Variants in SLIT1 observed in about 807,000 individuals in gnomAD.
The protein encoded by SLIT1 is slit guidance ligand 1, also known as slit homolog 1 protein.
In SLIT1, 66 loss-of-function variants were observed where a neutral mutation model predicts 186.1. The observed-to-expected ratio is 0.35, with a 90% CI of 0.29 to 0.44. SLIT1 has a LOEUF of 0.44. SLIT1 is among the 20% of genes least tolerant of loss of function. The pLI, the probability that SLIT1 is intolerant of heterozygous loss-of-function variation, is 1.00. For synonymous variants in SLIT1, 761 were observed against 833.8 expected, an observed-to-expected ratio of 0.91 and a Z score of 1.50; for missense variants, 1,638 against 2,037.4, an observed-to-expected ratio of 0.80 and a Z score of 3.77.
chr10:97,048,858 G>GACAGGTGGGCAGGTGGGCAGGTAT (rs60588093), intron 14 of SLIT1, 97 bp downstream of exon 14: 108 of 1,281,266 alleles, frequency 8.4e-5, no homozygotes, highest in Admixed American at 1.2e-4. Flanking sequence ...CGGGTAGGTG[G>GACAGGTGGGCAGGTGGGCAGGTAT]GCAGGTGGGC....
chr10:97,149,822 T>C (rs1849856415), intron 4 of SLIT1, among the ~76,000 whole-genome samples: 1 of 152,180 alleles, frequency 6.6e-6, no homozygotes, highest in Non-Finnish European at 1.5e-5. Context: ...TGTTAAAAGG[T>C]ATTCCCCGAA....
At chr10:97,149,069 C>T (rs1849847507) in intron 4 of SLIT1, among the ~76,000 whole-genome samples, 1 of 152,234 alleles carries the variant, frequency 6.6e-6, no homozygotes. Flanking sequence ...TCCTTCAGGC[C>T]CCGGGCTCCC....
intron 34 of SLIT1, 62 bp from the exon 35 acceptor site, chr10:97,003,054 C>T (rs1386089675): frequency 1.3e-6 from 2 of 1,526,762 alleles, no homozygotes; most frequent in East Asian, 2.3e-5. Flanking sequence ...GGGCACCCAC[C>T]CCTGAGGTCT....
At chr10:97,046,076 G>C (rs1466139363) in intron 18 of SLIT1, among the ~76,000 whole-genome samples, 1 of 152,208 alleles carries the variant, frequency 6.6e-6, no homozygotes, top group African/African-American at 2.4e-5. Context: ...AGACTGCCCT[G>C]TCTATGGGAC....
intron 4 of SLIT1, among the ~76,000 whole-genome samples, chr10:97,115,304 T>C (rs1849499311): frequency 6.6e-6 from 1 of 152,168 alleles, no homozygotes; most frequent in South Asian, 2.1e-4. Flanking sequence ...TTCCTTGGAA[T>C]TGCCCTGAGA....
At chr10:97,035,701 A>G (rs1298528008) in intron 22 of SLIT1, among the ~76,000 whole-genome samples, 16 of 152,130 alleles carry the variant, frequency 1.1e-4, no homozygotes. Context: ...TGTGCCTAGC[A>G]TGTGGACTCC....
rs1003277422 is a variant in SLIT1 at position 97,010,615 on chromosome 10, A to C, written c.3341+378T>G. ...AACAAATGAGTGAGCAGAGCATGGG[A>C]CGTGGGTGGCCAGAGGGAGGGTGGG... On this transcript the variant is annotated intron_variant, in intron 31 of 36. Transcript: ENST00000266058. The surrounding 1 kb of genome is among the most constrained non-coding windows in gnomAD (Gnocchi z 4.8). Among the ~76,000 whole-genome samples the C allele has an allele frequency of 2.6e-5, 4 of 152,310 alleles. No homozygotes were observed. The highest frequency in any genetic ancestry group is 1.3e-4 in the Admixed American group (2 of 15,306).
rs202218913 is a variant in SLIT1 at position 97,079,175 on chromosome 10, C to T, written c.414-13089G>A. Among the ~76,000 whole-genome samples, 3 of 152,062 alleles carry T rather than the reference C, an allele frequency of 2.0e-5. No homozygotes were observed. In the East Asian group the frequency reaches 5.8e-4, roughly 29 times the overall value. On this transcript the variant is annotated intron_variant, in intron 4 of 36. Transcript: ENST00000266058. ...ATCACATCTCCCTCTTGCTGAGTTG[C>T]GAGGATTAAATACCATATGTACCAC...
intron 3 of SLIT1, among the ~76,000 whole-genome samples, chr10:97,161,288 A>C (rs1850022690): frequency 6.6e-6 from 1 of 152,112 alleles, no homozygotes; most frequent in Admixed American, 6.6e-5. Context: ...ATTAACATGT[A>C]TTTTATTCTA....
intron 4 of SLIT1, among the ~76,000 whole-genome samples, chr10:97,072,205 C>T (rs1377448964): frequency 6.6e-6 from 1 of 152,338 alleles, no homozygotes; most frequent in East Asian, 1.9e-4. Flanking sequence ...GTCACTCAGG[C>T]TGGAGTGCAG....
chr10:97,124,877 A>G (rs1849590941), intron 4 of SLIT1, among the ~76,000 whole-genome samples: 1 of 152,214 alleles, frequency 6.6e-6, no homozygotes, highest in African/African-American at 2.4e-5. Context: ...GCTTCAGTGT[A>G]CTCTTAATAA....
chr10:97,080,969 C>T lies in SLIT1; in HGVS notation c.414-14883G>A, dbSNP rs567207544. Among the ~76,000 whole-genome samples the T allele has an allele frequency of 3.9e-4, 59 of 152,322 alleles. No individual in the cohort carries two copies. In the Middle Eastern group the frequency reaches 0.01, roughly 26 times the overall value. On this transcript the variant is annotated intron_variant, in intron 4 of 36. Coordinates refer to ENST00000266058, the MANE Select transcript of SLIT1 (RefSeq NM_003061.3). ...GCAGGGTCAGTGCCACCACCTACTA[C>T]GCTGCTCTTTGCTGGACTGGCTCAA...
At chr10:97,005,573 G>A (rs767171133) in intron 32 of SLIT1, among the ~76,000 whole-genome samples, 7 of 152,228 alleles carry the variant, frequency 4.6e-5, no homozygotes, top group East Asian at 1.9e-4. Context: ...TGAGCTGACC[G>A]AATTAGAGCT....
chr10:97,109,669 T>C (rs1780325727), intron 4 of SLIT1, among the ~76,000 whole-genome samples: 1 of 152,214 alleles, frequency 6.6e-6, no homozygotes, highest in Non-Finnish European at 1.5e-5. Flanking sequence ...GAGTGCTGCC[T>C]GAGCCTTGGA....
chr10:97,053,923 G>A (rs1015370627), intron 13 of SLIT1, among the ~76,000 whole-genome samples: 2 of 152,154 alleles, frequency 1.3e-5, no homozygotes, highest in Non-Finnish European at 2.9e-5. Context: ...TGTTGGAGGC[G>A]GGGCCTGATG....
Position 97,064,180 on chromosome 10 carries a change from T to A in SLIT1, c.617A>T (p.Lys206Met). 1 of 1,613,434 alleles carries A rather than the reference T, an allele frequency of 6.2e-7. No individual in the cohort carries two copies. The highest frequency in any genetic ancestry group is 8.5e-7 in the Non-Finnish European group (1 of 1,179,792). Residue 206 changes from lysine to methionine, a missense_variant, in exon 7 of 37, where the codon AAG (lysine) becomes ATG (methionine). Lys to Met is a moderately conservative substitution (Grantham distance 95). This residue lies in a region of SLIT1 where 1,245 missense variants were observed against 1,535.3 expected (regional missense o/e 0.81). Coordinates refer to ENST00000266058, the MANE Select transcript of SLIT1 (RefSeq NM_003061.3). ...IPVSSFNHMP[K>M]LRTFRLHSNH... ...CCGGCTGACTCACAAGGTCCGTAGCTTGGGCATATGGTTGAAGCTGGACAC... is the reference window on the plus strand; with the variant it reads ...CCGGCTGACTCACAAGGTCCGTAGCATGGGCATATGGTTGAAGCTGGACAC...
At chr10:97,049,184 G>A in intron 13 of SLIT1, 66 bp from the exon 14 acceptor site, 1 of 1,549,820 alleles carries the variant, frequency 6.5e-7, no homozygotes, top group South Asian at 1.2e-5. Flanking sequence ...CCTCCACCGG[G>A]ACAGGGCCTC....
rs114413142 is a variant in SLIT1 at position 97,022,039 on chromosome 10, A to G, written c.2583-626T>C. On this transcript the variant is annotated intron_variant, in intron 25 of 36. Coordinates refer to ENST00000266058, the MANE Select transcript of SLIT1 (RefSeq NM_003061.3). This position sits in a 1 kb window ranked among gnomAD's most constrained non-coding sequence, Gnocchi z 4.2. ...ATGCTGTTGGGGCCAGAGCCTACGA[A>G]TGCACTGCCTCCAGTGTGCATGGGG... Among the ~76,000 whole-genome samples, 2,699 of 152,316 alleles carry G rather than the reference A, an allele frequency of 0.018. 65 individuals are homozygous for G. The highest frequency in any genetic ancestry group is 0.062 in the African/African-American group (2,583 of 41,548).
chr10:97,163,711 C>T (rs1021155108), intron 2 of SLIT1, among the ~76,000 whole-genome samples: 4 of 152,232 alleles, frequency 2.6e-5, no homozygotes, highest in Non-Finnish European at 5.9e-5. Flanking sequence ...CTTGCAACCC[C>T]CTGACCCTCT....
Sources: allele counts gnomAD v4.1 joint callset (sites outside exome capture counted in the v4.1 genomes callset), GRCh38; gene constraint gnomAD v4.1.1; regional missense constraint gnomAD v4.1.1; non-coding constraint Gnocchi (gnomAD v3.1); transcripts MANE v1.5; gene names NCBI Gene and HGNC (gene_info 2026-07-23, HGNC 2026-07-21).